Variants in SLC6A13 observed in about 807,000 individuals in gnomAD.
SLC6A13 encodes solute carrier family 6 member 13.
A neutral mutation model predicts 72.9 loss-of-function variants in SLC6A13; 69 were observed. The observed-to-expected ratio is 0.95, with a 90% CI of 0.78 to 1.16. The LOEUF (loss-of-function observed/expected upper bound fraction) is 1.16. SLC6A13 is among the 50% of genes most tolerant of loss of function. The probability of loss-of-function intolerance (pLI) is 0.00; values close to 1 mark genes in which losing one functional copy is unlikely to be tolerated. For missense variants in SLC6A13, 735 were observed against 760.5 expected (o/e 0.97, Z 0.39); for synonymous variants, 303 against 303.0 (o/e 1.00, Z 0.00).
intron 4 of SLC6A13, 23 bp downstream of exon 4, chr12:242,591 G>A (rs1235849339): frequency 2.5e-6 from 4 of 1,605,880 alleles, no homozygotes; most frequent in Non-Finnish European, 3.4e-6. Context: ...AGGAGGAAGT[G>A]GACCCTTGGG....
intron 4 of SLC6A13, chr12:238,348 G>A (rs754734250): frequency 5.3e-6 from 7 of 1,322,976 alleles, no homozygotes; most frequent in Admixed American, 2.3e-5. Flanking sequence ...CACCACCTTC[G>A]AGGAATAATA....
intron 7 of SLC6A13, among the ~76,000 whole-genome samples, chr12:228,263 A>G (rs1185669685): frequency 6.6e-6 from 1 of 152,174 alleles, no homozygotes; most frequent in African/African-American, 2.4e-5. Flanking sequence ...TTCAGTTGTT[A>G]TTGTTATTAT....
At chr12:230,859 A>G (rs1941680882) in intron 7 of SLC6A13, among the ~76,000 whole-genome samples, 1 of 152,242 alleles carries the variant, frequency 6.6e-6, no homozygotes, top group African/African-American at 2.4e-5. Context: ...TAATAAGGTT[A>G]GCTTTGGCCA....
In SLC6A13 at chr12:254,687, A is replaced by C. The variant is rs932711558; in HGVS notation, c.202+5164T>G. ...CTAAAGGTCCTTACTTTCTTTTCTT[A>C]TACCATCAAAATGCTAATGATCCCC... On this transcript the variant is annotated intron_variant, in intron 2 of 14. Coordinates refer to ENST00000343164, the MANE Select transcript of SLC6A13 (RefSeq NM_016615.5). The surrounding 1 kb of genome is among the most constrained non-coding windows in gnomAD (Gnocchi z 4.4). Among the ~76,000 whole-genome samples, 27 of 152,142 alleles carry C rather than the reference A, an allele frequency of 1.8e-4. No homozygotes were observed. Among genetic ancestry groups the C allele is most frequent in the African/African-American group, 6.5e-4 (27 of 41,434 alleles).
chr12:242,795 G>T lies in SLC6A13; in HGVS notation c.338-41C>A, dbSNP rs1199740548. 4 of 1,548,060 alleles carry T rather than the reference G, an allele frequency of 2.6e-6. No individual in the cohort carries two copies. In the South Asian group the frequency reaches 4.8e-5, roughly 19 times the overall value. ...AGAATTGGGCTAGGAACGGTGGACA[G>T]CGGTGGCGTGCACCTGTCATTTCAG... On this transcript the variant is annotated intron_variant, in intron 3 of 14. Transcript: ENST00000343164.
intron 2 of SLC6A13, among the ~76,000 whole-genome samples, chr12:258,191 A>T (rs1404799464): frequency 6.6e-6 from 1 of 152,188 alleles, no homozygotes; most frequent in Non-Finnish European, 1.5e-5. Context: ...CCAGAAAGAA[A>T]TTCCTAGGAG....
chr12:231,571 C>A (rs1295311791), intron 7 of SLC6A13, among the ~76,000 whole-genome samples: 1 of 152,114 alleles, frequency 6.6e-6, no homozygotes, highest in Admixed American at 6.5e-5. Flanking sequence ...CTGCTCAGGA[C>A]CAGTCCTGGC....
Position 226,502 on chromosome 12 carries a change from G to A in SLC6A13, c.948C>T (p.Ala316=). The A allele has an allele frequency of 1.9e-6, 3 of 1,613,912 alleles. No individual in the cohort carries two copies. The highest frequency in any genetic ancestry group is 2.2e-5 in the East Asian group (1 of 44,880). The change falls in exon 9 of 15, where the codon GCC becomes GCT. Residue 316 remains alanine, a synonymous_variant. Coordinates refer to ENST00000343164, the MANE Select transcript of SLC6A13 (RefSeq NM_016615.5). The part of the protein sequence containing the change: ...YHNNCYRDCI[A]LCFLNSGTSF... ...TGGTGCCGCTGTTGAGGAAGCAGAG[G>A]GCGATGCAGTCCCTGTGGGGCAGGG...
intron 8 of SLC6A13, 136 bp downstream of exon 8, chr12:227,429 G>T (rs902200586): frequency 3.4e-6 from 5 of 1,451,906 alleles, no homozygotes; most frequent in Non-Finnish European, 4.6e-6. Context: ...GTAGCCCTGG[G>T]GTGTTGGATA....
chr12:222,242 G>A (rs1015218872), intron 13 of SLC6A13, among the ~76,000 whole-genome samples: 1 of 152,214 alleles, frequency 6.6e-6, no homozygotes, highest in Non-Finnish European at 1.5e-5. Flanking sequence ...GCATTTTTAT[G>A]AGCAGCCCAA....
intron 4 of SLC6A13, among the ~76,000 whole-genome samples, chr12:241,165 G>A (rs566043860): frequency 3.4e-4 from 52 of 152,152 alleles, no homozygotes; most frequent in African/African-American, 1.0e-3. Context: ...TTAGCCGGGC[G>A]TGTTGGCAGG....
chr12:241,071 C>T (rs934107536), intron 4 of SLC6A13, among the ~76,000 whole-genome samples: 23 of 152,034 alleles, frequency 1.5e-4, no homozygotes, highest in Non-Finnish European at 2.1e-4. Flanking sequence ...TTTGGGAGGC[C>T]GAGGCAGGTG....
intron 8 of SLC6A13, 42 bp from the exon 9 acceptor site, chr12:226,556 G>C (rs770996058): frequency 6.3e-7 from 1 of 1,595,962 alleles, no homozygotes; most frequent in Admixed American, 1.7e-5. Context: ...GGCAGGGTCA[G>C]AACAGGGCTG....
intron 1 of SLC6A13, among the ~76,000 whole-genome samples, chr12:261,565 A>G (rs889730463): frequency 1.3e-5 from 2 of 152,368 alleles, no homozygotes; most frequent in Middle Eastern, 3.4e-3. Flanking sequence ...TCATGTTAAC[A>G]GAACTTTCTC....
rs757745834 is a variant in SLC6A13 at position 220,944 on chromosome 12, C to T, written c.*4G>A. 44 of 1,611,754 alleles carry T rather than the reference C, an allele frequency of 2.7e-5. No individual in the cohort carries two copies. The highest frequency in any genetic ancestry group is 3.5e-5 in the Non-Finnish European group (41 of 1,179,840). On this transcript the variant is annotated 3_prime_UTR_variant, in exon 15 of 15. Coordinates refer to ENST00000343164, the MANE Select transcript of SLC6A13 (RefSeq NM_016615.5). ...CACACAGGCACCATCCAAGGGCCTG[C>T]CCCCTAGCAGTGAGACTCTAGCTCT...
At chr12:223,915 G>C in intron 11 of SLC6A13, 77 bp downstream of exon 11, 1 of 1,532,616 alleles carries the variant, frequency 6.5e-7, no homozygotes, top group Admixed American at 1.7e-5. Context: ...GGGAGCCAGG[G>C]TATCTGCCTC....
chr12:240,945 C>G (rs898834324), intron 4 of SLC6A13, among the ~76,000 whole-genome samples: 4 of 152,154 alleles, frequency 2.6e-5, no homozygotes, highest in Non-Finnish European at 5.9e-5. Context: ...TCATCCTAAC[C>G]GTGCAAAAAT....
At chr12:224,258 CT>C in intron 10 of SLC6A13, 129 bp from the exon 11 acceptor site, 1 of 1,422,220 alleles carries the variant, frequency 7.0e-7, no homozygotes, top group Non-Finnish European at 9.8e-7. Flanking sequence ...AGCTATTGTC[CT>C]TGCCTGGTTA....
chr12:228,877 C>T (rs1045693546), intron 7 of SLC6A13, among the ~76,000 whole-genome samples: 3 of 152,166 alleles, frequency 2.0e-5, no homozygotes, highest in South Asian at 2.1e-4. Context: ...TATGCTTTTC[C>T]GAGCTTCCTG....
Sources: gnomAD v4.1 joint callset for allele counts (sites outside exome capture counted in the v4.1 genomes callset) on GRCh38, gnomAD v4.1.1 for gene constraint, Gnocchi (gnomAD v3.1) non-coding constraint, MANE v1.5 for transcripts, NCBI Gene and HGNC (gene_info 2026-07-23, HGNC 2026-07-21) for gene names.